The following ZNF605 variants were observed in gnomAD, a reference collection of about 807,000 sequenced individuals.
ZNF605 encodes zinc finger protein 605.
In ZNF605, 9 loss-of-function variants were observed where a neutral mutation model predicts 7.9. That is an observed-to-expected ratio of 1.14 (90% CI 0.68 to 1.98). ZNF605 has a LOEUF of 1.98. ZNF605 is among the 30% of genes most tolerant of loss of function. The probability of loss-of-function intolerance (pLI) is 0.00; values close to 1 mark genes in which losing one functional copy is unlikely to be tolerated. For missense variants in ZNF605, 673 were observed against 762.4 expected (o/e 0.88, Z 1.38); for synonymous variants, 255 against 260.1 (o/e 0.98, Z 0.19).
chr12:132,947,824 C>A (rs1952510034), intron 2 of ZNF605, among the ~76,000 whole-genome samples: 1 of 149,640 alleles, frequency 6.7e-6, no homozygotes, highest in South Asian at 2.1e-4. Context: ...GGCTGGAGTG[C>A]AGTGGCGTGA....
At chr12:132,928,540 GT>G (rs1952271140) in intron 4 of ZNF605, among the ~76,000 whole-genome samples, 1 of 152,080 alleles carries the variant, frequency 6.6e-6, no homozygotes, top group African/African-American at 2.4e-5. Flanking sequence ...TTTTATAATA[GT>G]AGAACAGATA....
At chr12:132,930,140 T>C (rs1356837223) in intron 4 of ZNF605, among the ~76,000 whole-genome samples, 1 of 152,154 alleles carries the variant, frequency 6.6e-6, no homozygotes, top group Non-Finnish European at 1.5e-5. Context: ...AAGTGATCCT[T>C]CTGCCTCAAT....
At position 132,925,972 on chromosome 12, in the gene ZNF605, G is replaced by A; in HGVS notation, c.1327C>T (p.His443Tyr). 6.2e-7 allele frequency: 1 copy of A among 1,614,214 alleles called. No homozygotes were observed. Among genetic ancestry groups the A allele is most frequent in the Non-Finnish European group, 8.5e-7 (1 of 1,180,036 alleles). The change falls in exon 5 of 5, where the codon CAC (histidine) becomes TAC (tyrosine). Residue 443 changes from histidine (H) to tyrosine (Y), a missense_variant. Transcript: ENST00000360187. Reference sequence around the variant, plus strand: ...CATTCATAAGGCTTCTCCCCAGTGTGTGTTCTGTGATGCGTTAGGAGCTGG... The same window carrying A: ...CATTCATAAGGCTTCTCCCCAGTGTATGTTCTGTGATGCGTTAGGAGCTGG... ...KSQLLTHHRT[H>Y]TGEKPYECSE...
chr12:132,938,920 T>G lies in ZNF605; in HGVS notation c.16-5765A>C, dbSNP rs572746816. On this transcript the variant is annotated intron_variant, in intron 3 of 4. Coordinates refer to ENST00000360187, the MANE Select transcript of ZNF605 (RefSeq NM_183238.4). ...GGGCCAGTGGCTGCGGAGGGTGTACTGGGTCCCCCAGCAGTGCTGGCCCAC... is the reference window on the plus strand; with the variant it reads ...GGGCCAGTGGCTGCGGAGGGTGTACGGGGTCCCCCAGCAGTGCTGGCCCAC... 2.0e-5 allele frequency among the ~76,000 whole-genome samples: 3 copies of G among 152,064 alleles called. No individual in the cohort carries two copies. In the East Asian group the frequency reaches 5.8e-4, roughly 29 times the overall value.
chr12:132,952,406 A>G (rs1952582459), intron 1 of ZNF605, among the ~76,000 whole-genome samples: 1 of 146,832 alleles, frequency 6.8e-6, no homozygotes, highest in Non-Finnish European at 1.5e-5. Context: ...GGTTGCAGTG[A>G]GCTGAGATCA....
intron 4 of ZNF605, among the ~76,000 whole-genome samples, chr12:132,931,989 C>T (rs971139733): frequency 8.5e-5 from 13 of 152,172 alleles, no homozygotes; most frequent in African/African-American, 2.4e-4. Context: ...CCTAGCACAT[C>T]CATGGCACAC....
In ZNF605 at chr12:132,941,128, C is replaced by T. The variant is rs1304533425; in HGVS notation, c.15+4493G>A. Among the ~76,000 whole-genome samples, 2 of 152,158 alleles carry T rather than the reference C, an allele frequency of 1.3e-5. No individual in the cohort carries two copies. The highest frequency in any genetic ancestry group is 2.9e-5 in the Non-Finnish European group (2 of 68,022). On this transcript the variant is annotated intron_variant, in intron 3 of 4. Coordinates refer to ENST00000360187, the MANE Select transcript of ZNF605 (RefSeq NM_183238.4). This position sits in a 1 kb window ranked among gnomAD's most constrained non-coding sequence, Gnocchi z 5.1. ...CAGGAAACACAACCACCCAACTGCG[C>T]TTGCTAAATGCAGACTAAGATGTCT...
In ZNF605 at chr12:132,925,696, A is replaced by C. The variant is rs1382751106; in HGVS notation, c.1603T>G (p.Cys535Gly). ...RIHTGEKPYE[C>G]SECGKAFVQK... ...ACAAATGCTTTCCCACATTCACTGC[A>C]TTCATAGGGTTTCTCCCCTGTATGA... The change falls in exon 5 of 5, where the codon TGC becomes GGC. Residue 535 changes from cysteine to glycine, a missense_variant. Physicochemically the swap from Cys to Gly is radical, Grantham distance 159. Transcript: ENST00000360187. The C allele has an allele frequency of 6.2e-7, 1 of 1,614,110 alleles. No individual in the cohort carries two copies. Among genetic ancestry groups the C allele is most frequent in the Non-Finnish European group, 8.5e-7 (1 of 1,180,048 alleles).
In ZNF605 at chr12:132,926,858, T is replaced by A; in HGVS notation, c.441A>T (p.Thr147=). ...HGGIKYCDCS[T]CRKSSNEEPW... ...GCTCTTCGTTGCTGGATTTTCTACATGTACTGCAATCACAGTATTTTATCC... is the reference window on the plus strand; with the variant it reads ...GCTCTTCGTTGCTGGATTTTCTACAAGTACTGCAATCACAGTATTTTATCC... The change falls in exon 5 of 5, where the codon ACA becomes ACT. Residue 147 remains threonine, a synonymous_variant. Transcript: ENST00000360187. 1 of 1,614,230 alleles carries A rather than the reference T, an allele frequency of 6.2e-7. No homozygotes were observed. Among genetic ancestry groups the A allele is most frequent in the Non-Finnish European group, 8.5e-7 (1 of 1,180,046 alleles).
intron 1 of ZNF605, among the ~76,000 whole-genome samples, chr12:132,952,570 C>A (rs1952584168): frequency 6.6e-6 from 1 of 151,524 alleles, no homozygotes; most frequent in Admixed American, 6.6e-5. Flanking sequence ...GAGCCTGAAG[C>A]AGGAGCAGTC....
At chr12:132,950,845 A>G (rs1468728637) in intron 1 of ZNF605, among the ~76,000 whole-genome samples, 2 of 151,838 alleles carry the variant, frequency 1.3e-5, no homozygotes, top group South Asian at 2.1e-4. Flanking sequence ...AACATCACAC[A>G]TACAGACATG....
chr12:132,952,581 C>T (rs199615653), intron 1 of ZNF605, among the ~76,000 whole-genome samples: 3 of 151,596 alleles, frequency 2.0e-5, no homozygotes, highest in African/African-American at 4.9e-5. Context: ...AGGAGCAGTC[C>T]GCCACGGAAG....
In ZNF605 at chr12:132,926,800, C is replaced by G. The variant is rs1952252620; in HGVS notation, c.499G>C (p.Gly167Arg). ...CCACATTCCATGCATAAATAGACTC[C>G]TGTGTGTGTTATGTGATTAGCAGTG... ...WLTANHITHT[G>R]VYLCMECGRF... Residue 167 changes from glycine to arginine, a missense_variant, in exon 5 of 5, where the codon GGA (glycine) becomes CGA (arginine). Gly to Arg is a moderately radical substitution (Grantham distance 125). Transcript: ENST00000360187. 1.2e-6 allele frequency: 2 copies of G among 1,614,118 alleles called. No homozygotes were observed. Among genetic ancestry groups the G allele is most frequent in the Non-Finnish European group, 8.5e-7 (1 of 1,180,018 alleles).
At chr12:132,950,489 GCACACGTACAGACATGCGCAGACATGCA>G (rs2137163287) in intron 1 of ZNF605, among the ~76,000 whole-genome samples, 1 of 147,722 alleles carries the variant, frequency 6.8e-6, no homozygotes, top group South Asian at 2.2e-4. Flanking sequence ...ACACACAGAC[GCACACGTACAGACATGCGCAGACATGCA>G]CACACACAGA....
chr12:132,932,171 C>T (rs1276043879), intron 4 of ZNF605, among the ~76,000 whole-genome samples: 2 of 152,074 alleles, frequency 1.3e-5, no homozygotes, highest in Non-Finnish European at 2.9e-5. Flanking sequence ...TCTCAAACTC[C>T]TGGCCTTAAG....
At chr12:132,932,968 C>T (rs1343144710) in intron 4 of ZNF605, 67 bp downstream of exon 4, 6 of 1,506,206 alleles carry the variant, frequency 4.0e-6, no homozygotes, top group Middle Eastern at 1.8e-4. Flanking sequence ...AACTTACATC[C>T]AAAATAAACA....
chr12:132,926,473 T>C lies in ZNF605; in HGVS notation c.826A>G (p.Thr276Ala). ...CTGCAACTGTAGGGTTTCTCTATTG[T>C]GTGCGTTATCTGATGTCTTTTAAGC... ...SQLKRHQITH[T>A]IEKPYSCSEC... The change falls in exon 5 of 5, where the codon ACA becomes GCA. Residue 276 changes from threonine to alanine, a missense_variant. Transcript: ENST00000360187. The C allele has an allele frequency of 1.9e-6, 3 of 1,614,230 alleles. No individual in the cohort carries two copies. Among genetic ancestry groups the C allele is most frequent in the Non-Finnish European group, 2.5e-6 (3 of 1,180,040 alleles).
At chr12:132,927,906 C>T (rs1042887265) in intron 4 of ZNF605, among the ~76,000 whole-genome samples, 18 of 152,260 alleles carry the variant, frequency 1.2e-4, no homozygotes, top group Middle Eastern at 3.4e-3. Context: ...CCACCTGCCT[C>T]GGCCTCCCAA....
chr12:132,926,445 T>G lies in ZNF605; in HGVS notation c.854A>C (p.Glu285Ala). The stretch of plus-strand genomic sequence containing the variant: ...TTTCTGGGAGAATGCTTTCCCACAC[T>G]CACTGCAACTGTAGGGTTTCTCTAT... ...HTIEKPYSCS[E>A]CGKAFSQKLK... The change falls in exon 5 of 5, where the codon GAG (glutamate) becomes GCG (alanine). Residue 285 changes from glutamate (E) to alanine (A), a missense_variant. Coordinates refer to ENST00000360187, the MANE Select transcript of ZNF605 (RefSeq NM_183238.4). 6.2e-7 allele frequency: 1 copy of G among 1,614,208 alleles called. No individual in the cohort carries two copies. The highest frequency in any genetic ancestry group is 8.5e-7 in the Non-Finnish European group (1 of 1,180,012).
Sources: gnomAD v4.1 joint callset for allele counts (sites outside exome capture counted in the v4.1 genomes callset) on GRCh38, gnomAD v4.1.1 for gene constraint, Gnocchi (gnomAD v3.1) non-coding constraint, MANE v1.5 for transcripts, NCBI Gene and HGNC (gene_info 2026-07-23, HGNC 2026-07-21) for gene names.